PM20D1: variants seen among roughly 807,000 people sequenced by gnomAD.
PM20D1 encodes the protein peptidase M20 domain containing 1.
Under a neutral mutation model 53.8 loss-of-function variants are expected in PM20D1, and 53 were observed. The observed-to-expected ratio is 0.98, with a 90% CI of 0.79 to 1.24. PM20D1 has a LOEUF of 1.24. Among genes scored for constraint, PM20D1 ranks in the 50% most tolerant of loss-of-function variants. The probability of loss-of-function intolerance (pLI) is 0.00; values close to 1 mark genes in which losing one functional copy is unlikely to be tolerated. For missense variants in PM20D1, 564 were observed against 616.8 expected, an observed-to-expected ratio of 0.91 and a Z score of 0.91; for synonymous variants, 239 against 241.3, an observed-to-expected ratio of 0.99 and a Z score of 0.09.
At chr1:205,846,491 G>A (rs1413317161) in intron 2 of PM20D1, among the ~76,000 whole-genome samples, 2 of 152,086 alleles carry the variant, frequency 1.3e-5, no homozygotes, top group African/African-American at 2.4e-5. Flanking sequence ...TGCAGATGAG[G>A]GATGCATTAA....
Position 205,843,721 on chromosome 1 carries a change from G to T in PM20D1, c.773C>A (p.Ser258Tyr), listed in dbSNP as rs11581214. Residue 258 changes from serine (S) to tyrosine (Y), a missense_variant, in exon 6 of 13, where the codon TCT (serine) becomes TAT (tyrosine). Transcript: ENST00000367136. ...MLQVNMTSGH[S>Y]SAPPKETSIG... The stretch of plus-strand genomic sequence containing the variant: ...GCTTGTCTCCTTTGGAGGAGCTGAA[G>T]AGTGGCCTGAAGTCATGTTTACTTG... The T allele has an allele frequency of 1.9e-6, 3 of 1,614,204 alleles. No individual in the cohort carries two copies. The highest frequency in any genetic ancestry group is 1.7e-5 in the Admixed American group (1 of 60,028).
At position 205,844,043 on chromosome 1, in the gene PM20D1, G is replaced by A. The variant is rs182572626; in HGVS notation, c.707+44C>T. On this transcript the variant is annotated intron_variant, in intron 5 of 12. Transcript: ENST00000367136. ...ACCAGGCTGGGGTCATCTCAAATGG[G>A]GTGAGAATTCCCTCCAAGGTGTGGG... is the stretch of plus-strand genomic sequence containing the variant. The A allele has an allele frequency of 2.2e-4, 344 of 1,574,488 alleles. 1 individual carries two copies. The East Asian group carries it at 6.3e-3, about 29-fold the overall frequency.
At chr1:205,841,966 T>C in intron 8 of PM20D1, 77 bp from the exon 9 acceptor site, 1 of 1,377,716 alleles carries the variant, frequency 7.3e-7, no homozygotes, top group Non-Finnish European at 1.0e-6. Context: ...TTACCCACTT[T>C]CCTGAACCTT....
rs112676812 is a variant in PM20D1 at position 205,835,309 on chromosome 1, T to C, written c.1117-2543A>G. Among the ~76,000 whole-genome samples the C allele has an allele frequency of 8.5e-3, 1,298 of 152,312 alleles. 9 individuals carry two copies. The highest frequency in any genetic ancestry group is 0.014 in the Middle Eastern group (4 of 294). ...TGTGCCTCAGTCACTCACAGTTGTA[T>C]GACCTTGGACAAGCTTCTTAACCTC... is the stretch of plus-strand genomic sequence containing the variant. On this transcript the variant is annotated intron_variant, in intron 10 of 12. Coordinates refer to ENST00000367136, the MANE Select transcript of PM20D1 (RefSeq NM_152491.5).
At chr1:205,841,290 T>G (rs1184772836) in intron 9 of PM20D1, among the ~76,000 whole-genome samples, 1 of 152,166 alleles carries the variant, frequency 6.6e-6, no homozygotes, top group Non-Finnish European at 1.5e-5. Context: ...AAAAAAGCAC[T>G]AAGTGGTCAG....
chr1:205,840,172 G>T, intron 10 of PM20D1, 80 bp downstream of exon 10: 1 of 1,307,420 alleles, frequency 7.6e-7, no homozygotes, highest in Non-Finnish European at 1.1e-6. Flanking sequence ...CCAGCCCTAG[G>T]ACTGTAGTTA....
intron 7 of PM20D1, 149 bp from the exon 8 acceptor site, chr1:205,842,364 G>A: frequency 1.3e-6 from 1 of 747,530 alleles, no homozygotes; most frequent in Non-Finnish European, 2.3e-6. Flanking sequence ...CCCTGCTAGA[G>A]GATCAGGAAT....
chr1:205,828,546 T>G lies in PM20D1; in HGVS notation c.*74A>C, dbSNP rs1037585176. The stretch of plus-strand genomic sequence containing the variant: ...AATGTGGTTTTGATCAAAAGTTTCA[T>G]CAACACTAGCTTTCCCCCTTGGGTT... On this transcript the variant is annotated 3_prime_UTR_variant, in exon 13 of 13. Coordinates refer to ENST00000367136, the MANE Select transcript of PM20D1 (RefSeq NM_152491.5). 3 of 1,576,992 alleles carry G rather than the reference T, an allele frequency of 1.9e-6. No homozygotes were observed. The highest frequency in any genetic ancestry group is 2.6e-6 in the Non-Finnish European group (3 of 1,161,332).
At chr1:205,828,793 C>T (rs1332139032) in intron 12 of PM20D1, 50 bp from the exon 13 acceptor site, 2 of 1,608,048 alleles carry the variant, frequency 1.2e-6, no homozygotes, top group East Asian at 2.2e-5. Flanking sequence ...CCAAGTGCCA[C>T]AGCACAAGTG....
At chr1:205,845,283 A>G (rs376157574) in intron 3 of PM20D1, 42 bp downstream of exon 3, 53 of 1,584,276 alleles carry the variant, frequency 3.3e-5, no homozygotes, top group Non-Finnish European at 4.6e-5. Flanking sequence ...ATCCTGATTG[A>G]TCTTTAGGGC....
chr1:205,831,743 TA>T, intron 11 of PM20D1, among the ~76,000 whole-genome samples: 1 of 152,026 alleles, frequency 6.6e-6, no homozygotes. Context: ...TTTGTATTTT[TA>T]GTAGAGACGA....
At chr1:205,841,588 C>T (rs1202885766) in intron 9 of PM20D1, among the ~76,000 whole-genome samples, 1 of 152,134 alleles carries the variant, frequency 6.6e-6, no homozygotes, top group Non-Finnish European at 1.5e-5. Flanking sequence ...TCACATTGTA[C>T]TCTAGGTGAA....
Position 205,844,167 on chromosome 1 carries a change from G to T in PM20D1, c.627C>A (p.Gly209=). The change falls in exon 5 of 13, where the codon GGC becomes GGA. Residue 209 remains glycine, a synonymous_variant. Coordinates refer to ENST00000367136, the MANE Select transcript of PM20D1 (RefSeq NM_152491.5). ...CGTCCACAATGAAGGCTAGCTGGACGCCCCTTGACTGTAGCAGGGCTGAGA... is the reference window on the plus strand; with the variant it reads ...CGTCCACAATGAAGGCTAGCTGGACTCCCCTTGACTGTAGCAGGGCTGAGA... ...QRISALLQSR[G]VQLAFIVDEG... 1.2e-6 allele frequency: 2 copies of T among 1,613,986 alleles called. No individual in the cohort carries two copies. The highest frequency in any genetic ancestry group is 1.7e-6 in the Non-Finnish European group (2 of 1,179,946).
intron 7 of PM20D1, 137 bp from the exon 8 acceptor site, chr1:205,842,352 A>G (rs1656831658): frequency 6.3e-6 from 5 of 787,666 alleles, no homozygotes; most frequent in East Asian, 2.6e-5. Flanking sequence ...AGTTAGCTCA[A>G]TCCCTGCTAG....
chr1:205,844,035 T>C, intron 5 of PM20D1, 52 bp downstream of exon 5: 3 of 1,567,422 alleles, frequency 1.9e-6, no homozygotes, highest in Non-Finnish European at 2.6e-6. Flanking sequence ...TGGGGTCATC[T>C]CAAATGGGGT....
chr1:205,844,315 G>A, intron 4 of PM20D1, 98 bp from the exon 5 acceptor site: 1 of 1,364,516 alleles, frequency 7.3e-7, no homozygotes, highest in African/African-American at 1.4e-5. Flanking sequence ...AGGGGCTCCA[G>A]AACCTTTCTA....
chr1:205,847,044 G>A (rs1254823302), intron 2 of PM20D1, among the ~76,000 whole-genome samples: 2 of 123,134 alleles, frequency 1.6e-5, no homozygotes, highest in Admixed American at 9.4e-5. Flanking sequence ...CAGAGACAAG[G>A]TCTTGCTCTC....
intron 2 of PM20D1, among the ~76,000 whole-genome samples, chr1:205,846,212 C>A (rs1656954877): frequency 6.6e-6 from 1 of 152,082 alleles, no homozygotes; most frequent in African/African-American, 2.4e-5. Context: ...ATGGTGAAAC[C>A]CCGTCTCTAC....
At position 205,840,137 on chromosome 1, in the gene PM20D1, T is replaced by A. The variant is rs937112587; in HGVS notation, c.1116+115A>T. 2.8e-5 allele frequency: 22 copies of A among 785,390 alleles called. No homozygotes were observed. In the Admixed American group the frequency reaches 7.1e-4, roughly 25 times the overall value. 48.7% of individuals were successfully genotyped at this position (785,390 alleles called of 1,614,324 possible). A position where few individuals can be genotyped will look rare whatever the true frequency, so the allele number is the denominator to read the frequency against. On this transcript the variant is annotated intron_variant, in intron 10 of 12. Coordinates refer to ENST00000367136, the MANE Select transcript of PM20D1 (RefSeq NM_152491.5). ...GTGCATAGGTTGTCTTTGAAAAATG[T>A]TGGTTGAATAAATGGGACACTGGAC... is the stretch of plus-strand genomic sequence containing the variant.
Sources: allele counts gnomAD v4.1 joint callset (sites outside exome capture counted in the v4.1 genomes callset), GRCh38; gene constraint gnomAD v4.1.1; transcripts MANE v1.5; gene names NCBI Gene and HGNC (gene_info 2026-07-23, HGNC 2026-07-21).